SPTA1: variants seen among roughly 807,000 people sequenced by gnomAD.
SPTA1 encodes spectrin alpha chain, erythrocytic 1.
In SPTA1, 177 loss-of-function variants were observed where a neutral mutation model predicts 324.7. The ratio of observed to expected loss-of-function variants is 0.55; its 90% CI spans 0.48 to 0.62. The LOEUF (loss-of-function observed/expected upper bound fraction) is 0.62, where lower values mean the gene tolerates loss of function less well. SPTA1 is among the 20% of genes least tolerant of loss of function. The pLI, the probability that SPTA1 is intolerant of heterozygous loss-of-function variation, is 0.00. For missense variants in SPTA1, 3,162 were observed against 2,883.6 expected (o/e 1.10, Z -2.21); for synonymous variants, 1,195 against 1,041.3 (o/e 1.15, Z -2.84).
At chr1:158,622,484 T>C (rs1170739104) in intron 43 of SPTA1, among the ~76,000 whole-genome samples, 1 of 152,200 alleles carries the variant, frequency 6.6e-6, no homozygotes, top group South Asian at 2.1e-4. Flanking sequence ...TTAATAGTGA[T>C]AACAGAAAGG....
chr1:158,639,590 C>A lies in SPTA1; in HGVS notation c.4972G>T (p.Ala1658Ser), dbSNP rs769531581. The change falls in exon 35 of 52, where the codon GCT becomes TCT. Residue 1658 changes from alanine (A) to serine (S), a missense_variant. Physicochemically the swap from Ala to Ser is moderately conservative, Grantham distance 99 (BLOSUM62 1). Coordinates refer to ENST00000643759, the MANE Select transcript of SPTA1 (RefSeq NM_003126.4). ...KHQLLEREML[A>S]REDALKDLNT... Reference sequence around the variant, plus strand: ...ATGCCAACACTACTTACCTCTCGAGCCAACATCTCTCTCTCCAATAGCTGA... The same window carrying A: ...ATGCCAACACTACTTACCTCTCGAGACAACATCTCTCTCTCCAATAGCTGA... 1.2e-6 allele frequency: 2 copies of A among 1,613,790 alleles called. No homozygotes were observed. Among genetic ancestry groups the A allele is most frequent in the Non-Finnish European group, 1.7e-6 (2 of 1,179,830 alleles).
In SPTA1 at chr1:158,636,764, A is replaced by C. The variant is rs1651113370; in HGVS notation, c.5190-3T>G. ...AGCTCACTCGTATCAACTTCTCCCT[A>C]AAATCAAGGAAGAAAACAGAAAGTT... On this transcript the variant is annotated splice_region_variant and splice_polypyrimidine_tract_variant and intron_variant, in intron 36 of 51. Transcript: ENST00000643759. The C allele has an allele frequency of 6.2e-7, 1 of 1,613,994 alleles. No homozygotes were observed. Among genetic ancestry groups the C allele is most frequent in the East Asian group, 2.2e-5 (1 of 44,874 alleles).
chr1:158,669,266 T>C lies in SPTA1; in HGVS notation c.1833+142A>G. On this transcript the variant is annotated intron_variant, in intron 14 of 51. Transcript: ENST00000643759. ...TGTATAAATAGCCTTCAGGGATTCATTGCCCTTTTCTGAGCCTCTGTTTTG... is the reference window on the plus strand; with the variant it reads ...TGTATAAATAGCCTTCAGGGATTCACTGCCCTTTTCTGAGCCTCTGTTTTG... The C allele has an allele frequency of 2.5e-5, 29 of 1,167,442 alleles. 1 individual carries two copies. The South Asian group carries it at 3.5e-4, about 14-fold the overall frequency. The allele number at this position is 1,167,442 out of a possible 1,614,324, so 72.3% of individuals were successfully genotyped here.
intron 15 of SPTA1, 149 bp from the exon 16 acceptor site, chr1:158,666,646 C>T (rs1044507699): frequency 2.6e-6 from 2 of 760,946 alleles, no homozygotes; most frequent in Non-Finnish European, 4.3e-6. Flanking sequence ...CACAAAAAGT[C>T]ATCTTAAATT....
At chr1:158,622,777 T>C (rs1056766275) in intron 43 of SPTA1, 2 of 540,140 alleles carry the variant, frequency 3.7e-6, no homozygotes, top group African/African-American at 3.8e-5. Flanking sequence ...TCAAGTTAGT[T>C]ATGCAACTAA....
intron 39 of SPTA1, among the ~76,000 whole-genome samples, chr1:158,631,665 GGCATGTAAAT>G (rs918965363): frequency 2.6e-5 from 4 of 152,000 alleles, no homozygotes; most frequent in African/African-American, 7.3e-5. Context: ...TCCCTAAAAA[GGCATGTAAAT>G]GCCCCTCAGG....
rs1650922737 is a variant in SPTA1 at position 158,634,617 on chromosome 1, C to T, written c.5491G>A (p.Glu1831Lys). The change falls in exon 39 of 52, where the codon GAG (glutamate) becomes AAG (lysine). Residue 1831 changes from glutamate to lysine, a missense_variant. Transcript: ENST00000643759. ...YLQFMQNAEE[E>K]EAWINEKNAL... ...TTCTTTTCATTGATCCAAGCTTCCT[C>T]TTCCTCAGCATTCTGCATGAATTGC... 6.2e-7 allele frequency: 1 copy of T among 1,614,086 alleles called. No homozygotes were observed. The highest frequency in any genetic ancestry group is 8.5e-7 in the Non-Finnish European group (1 of 1,180,050).
rs778501117 is a variant in SPTA1, at chr1:158,647,532, A to G, written c.3896+7T>C. 8.7e-6 allele frequency: 14 copies of G among 1,612,300 alleles called. No individual in the cohort carries two copies. The highest frequency in any genetic ancestry group is 1.1e-5 in the Non-Finnish European group (13 of 1,179,748). ...GCCAGACACGGAAGTTACCCACCCC[A>G]CTCTACCTGGCCTTGCTGAGGAACA... On this transcript the variant is annotated splice_region_variant and intron_variant, in intron 27 of 51. Coordinates refer to ENST00000643759, the MANE Select transcript of SPTA1 (RefSeq NM_003126.4).
intron 27 of SPTA1, 53 bp downstream of exon 27, chr1:158,647,486 T>A: frequency 1.9e-6 from 3 of 1,601,988 alleles, no homozygotes; most frequent in Non-Finnish European, 2.6e-6. Context: ...CCCAGACTGC[T>A]CCCAGACAGT....
Position 158,648,519 on chromosome 1 carries a change from A to T in SPTA1, c.3704T>A (p.Leu1235Gln). 1 of 1,613,954 alleles carries T rather than the reference A, an allele frequency of 6.2e-7. No individual in the cohort carries two copies. Among genetic ancestry groups the T allele is most frequent in the Non-Finnish European group, 8.5e-7 (1 of 1,179,902 alleles). Residue 1235 changes from leucine to glutamine, a missense_variant, in exon 26 of 52, where the codon CTG (leucine) becomes CAG (glutamine). By Grantham distance (113) the Leu-to-Gln change is moderately radical. Coordinates refer to ENST00000643759, the MANE Select transcript of SPTA1 (RefSeq NM_003126.4). ...HEGFERDLVPLGDKVTILGET... is the reference protein window; with the variant it reads ...HEGFERDLVPQGDKVTILGET... ...AAGGACTTGTCTCACCTTATCTCCC[A>T]GGGGTACGAGGTCCCTTTCAAAGCC... is the stretch of plus-strand genomic sequence containing the variant.
chr1:158,674,766 T>G, intron 8 of SPTA1, 91 bp from the exon 9 acceptor site: 1 of 1,513,802 alleles, frequency 6.6e-7, no homozygotes, highest in Admixed American at 1.7e-5. Flanking sequence ...AGGTAAGATG[T>G]GTGAGATGCT....
At chr1:158,661,220 G>A (rs979159117) in intron 18 of SPTA1, 67 bp downstream of exon 18, 33 of 1,611,036 alleles carry the variant, frequency 2.0e-5, no homozygotes, top group African/African-American at 2.7e-5. Context: ...CCCTAGGATA[G>A]TACAAACTTC....
At position 158,644,391 on chromosome 1, in the gene SPTA1, G is replaced by A; in HGVS notation, c.4200C>T (p.Phe1400=). The A allele has an allele frequency of 6.2e-7, 1 of 1,613,688 alleles. No homozygotes were observed. The highest frequency in any genetic ancestry group is 8.5e-7 in the Non-Finnish European group (1 of 1,179,816). Residue 1400 remains phenylalanine, a synonymous_variant, in exon 30 of 52, where the codon TTC becomes TTT. Coordinates refer to ENST00000643759, the MANE Select transcript of SPTA1 (RefSeq NM_003126.4). ...ILDQCLELQM[F]QGNCDQVESW... ...TCTCAACTTGATCACAGTTCCCCTG[G>A]AACATCTATGAGGAATCAAATGAGA...
Position 158,678,458 on chromosome 1 carries a change from A to C in SPTA1, c.755T>G (p.Leu252Trp), listed in dbSNP as rs1174563272. ...VNAAWERLRG[L>W]ALQRQKALSN... is the part of the protein sequence containing the mutation. ...CAGAGCTTTCTGTCTCTGGAGAGCC[A>C]AACCACGAAGGCGCTCCCAGGCAGC... Residue 252 changes from leucine (L) to tryptophan (W), a missense_variant, in exon 6 of 52, where the codon TTG becomes TGG. Leu to Trp is a moderately conservative substitution (Grantham distance 61). Coordinates refer to ENST00000643759, the MANE Select transcript of SPTA1 (RefSeq NM_003126.4). 6.2e-7 allele frequency: 1 copy of C among 1,613,824 alleles called. No homozygotes were observed. The highest frequency in any genetic ancestry group is 1.7e-5 in the Admixed American group (1 of 59,968).
At chr1:158,678,673 T>A in intron 5 of SPTA1, 139 bp from the exon 6 acceptor site, 1 of 1,068,860 alleles carries the variant, frequency 9.4e-7, no homozygotes, top group Admixed American at 2.0e-5. Context: ...CTGAACTTCA[T>A]CATAGCCCTC....
In SPTA1 at chr1:158,654,744, T is replaced by C. The variant is rs999276087; in HGVS notation, c.2903A>G (p.Gln968Arg). Residue 968 changes from glutamine to arginine, a missense_variant, in exon 21 of 52, where the codon CAA (glutamine) becomes CGA (arginine). Gln to Arg is a conservative substitution (Grantham distance 43). Coordinates refer to ENST00000643759, the MANE Select transcript of SPTA1 (RefSeq NM_003126.4). ...LRNQANACQQ[Q>R]QAAPVEGVAG... ...AACTCCCTCCACTGGTGCAGCCTGTTGTTGCTGAATAAAAACAGGAAGCAG... is the reference window on the plus strand; with the variant it reads ...AACTCCCTCCACTGGTGCAGCCTGTCGTTGCTGAATAAAAACAGGAAGCAG... The C allele has an allele frequency of 5.6e-6, 9 of 1,613,480 alleles. No individual in the cohort carries two copies. In the African/African-American group the frequency reaches 1.2e-4, roughly 22 times the overall value.
chr1:158,617,522 A>G lies in SPTA1; in HGVS notation c.6600+15T>C, dbSNP rs1322833658. The G allele has an allele frequency of 6.2e-7, 1 of 1,611,446 alleles. No individual in the cohort carries two copies. Among genetic ancestry groups the G allele is most frequent in the African/African-American group, 1.3e-5 (1 of 74,884 alleles). ...TTTTGGCAATATCTTCAGTTAATGAAAAAACAATACTTACTTTATTTGCTT... is the reference window on the plus strand; with the variant it reads ...TTTTGGCAATATCTTCAGTTAATGAGAAAACAATACTTACTTTATTTGCTT... On this transcript the variant is annotated intron_variant, in intron 47 of 51. Coordinates refer to ENST00000643759, the MANE Select transcript of SPTA1 (RefSeq NM_003126.4).
intron 25 of SPTA1, 99 bp downstream of exon 25, chr1:158,649,757 C>T (rs1468946188): frequency 1.5e-5 from 15 of 1,021,140 alleles, no homozygotes; most frequent in Middle Eastern, 2.2e-4. Flanking sequence ...CTCCATCTCA[C>T]GAAAAAAGAT....
At chr1:158,632,608 T>C (rs1650761654) in intron 39 of SPTA1, among the ~76,000 whole-genome samples, 1 of 152,202 alleles carries the variant, frequency 6.6e-6, no homozygotes, top group Non-Finnish European at 1.5e-5. Flanking sequence ...TACAATGAGG[T>C]ATCACTATAT....
Sources: gnomAD v4.1 joint callset for allele counts (sites outside exome capture counted in the v4.1 genomes callset) on GRCh38, gnomAD v4.1.1 for gene constraint, MANE v1.5 for transcripts, NCBI Gene and HGNC (gene_info 2026-07-23, HGNC 2026-07-21) for gene names.